SCAMP1: variants seen among roughly 807,000 people sequenced by gnomAD.
The protein encoded by SCAMP1 is secretory carrier-associated membrane protein 1.
A neutral mutation model predicts 41.8 loss-of-function variants in SCAMP1; 15 were observed. That is an observed-to-expected ratio of 0.36 (90% CI 0.24 to 0.55). The LOEUF (loss-of-function observed/expected upper bound fraction) is 0.55, where lower values mean the gene tolerates loss of function less well. Ranked by LOEUF, SCAMP1 falls within the 20% of genes least tolerant of loss-of-function variation. The pLI is 0.86. For missense variants in SCAMP1, 341 were observed against 412.6 expected (o/e 0.83, Z 1.50); for synonymous variants, 135 against 136.8 (o/e 0.99, Z 0.09).
intron 7 of SCAMP1, among the ~76,000 whole-genome samples, chr5:78,450,748 G>A (rs1753205176): frequency 6.6e-6 from 1 of 152,168 alleles, no homozygotes; most frequent in Non-Finnish European, 1.5e-5. Flanking sequence ...AGAAGAATGT[G>A]TGATGCAACT....
rs1296476553 is a variant in SCAMP1 at position 78,384,175 on chromosome 5, TTTTTC to T, written c.58-4657_58-4653del. 5.2e-4 allele frequency among the ~76,000 whole-genome samples: 46 copies of T among 87,978 alleles called. 2 individuals are homozygous for T. The highest frequency in any genetic ancestry group is 1.1e-3 in the Non-Finnish European group (37 of 34,098). The allele number at this position is 87,978 out of a possible 152,430, so 57.7% of individuals were successfully genotyped here. A position where few individuals can be genotyped will look rare whatever the true frequency, so the allele number is the denominator to read the frequency against. On this transcript the variant is annotated intron_variant, in intron 1 of 8. Transcript: ENST00000621999. ...TTTGGTTAGGTATATTCCCAAGTTTTTTTTCTTTTTTTTTTTTTGCAGCTATTTTA... is the reference window on the plus strand; with the variant it reads ...TTTGGTTAGGTATATTCCCAAGTTTTTTTTTTTTTTTTTGCAGCTATTTTA...
chr5:78,404,487 G>A (rs1751884628), intron 2 of SCAMP1, among the ~76,000 whole-genome samples: 1 of 126,920 alleles, frequency 7.9e-6, no homozygotes, highest in South Asian at 2.4e-4. Context: ...AGGCTGACAT[G>A]ATGTACTGGG....
intron 2 of SCAMP1, among the ~76,000 whole-genome samples, chr5:78,409,671 A>G (rs16875368): frequency 0.29 from 43,566 of 152,068 alleles, 6,546 homozygotes; most frequent in East Asian, 0.54. Context: ...TATCAGTGCT[A>G]TTAGAGATTT....
chr5:78,442,213 A>AG (rs1561278302), intron 6 of SCAMP1, among the ~76,000 whole-genome samples: 2 of 152,250 alleles, frequency 1.3e-5, no homozygotes, highest in Non-Finnish European at 2.9e-5. Context: ...ACTGTTTAGT[A>AG]TTCTCTGTTC....
intron 6 of SCAMP1, among the ~76,000 whole-genome samples, chr5:78,437,485 C>A (rs1580694756): frequency 6.6e-6 from 1 of 152,160 alleles, no homozygotes; most frequent in Admixed American, 6.5e-5. Context: ...TGGTTTTTGT[C>A]TTTGGTTCTG....
chr5:78,417,249 G>C (rs1415945189), intron 4 of SCAMP1, among the ~76,000 whole-genome samples: 1 of 152,156 alleles, frequency 6.6e-6, no homozygotes, highest in Non-Finnish European at 1.5e-5. Context: ...GTCATTGTTA[G>C]GATGTCTGGG....
chr5:78,423,936 CT>C (rs1322731248), intron 6 of SCAMP1, among the ~76,000 whole-genome samples: 3 of 151,906 alleles, frequency 2.0e-5, no homozygotes, highest in African/African-American at 7.3e-5. Flanking sequence ...CCTCTGCCTC[CT>C]GGGTTCAAGC....
In SCAMP1 at chr5:78,415,622, AG is replaced by A. The variant is rs1337986255; in HGVS notation, c.234+5del. 2.0e-6 allele frequency: 3 copies of A among 1,529,988 alleles called. No individual in the cohort carries two copies. Among genetic ancestry groups the A allele is most frequent in the Non-Finnish European group, 2.7e-6 (3 of 1,115,092 alleles). The allele number at this position is 1,529,988 out of a possible 1,614,324, so 94.8% of individuals were successfully genotyped here. A position where few individuals can be genotyped will look rare whatever the true frequency, so the allele number is the denominator to read the frequency against. ...AGCTTATACACAGATTGCAAAGGTT[AG>A]TTCATGTTAGTTGTATAAATTCATA... On this transcript the variant is annotated splice_donor_5th_base_variant and intron_variant, in intron 3 of 8. Coordinates refer to ENST00000621999, the MANE Select transcript of SCAMP1 (RefSeq NM_004866.6).
chr5:78,387,097 G>C (rs1561255090), intron 1 of SCAMP1, among the ~76,000 whole-genome samples: 1 of 152,030 alleles, frequency 6.6e-6, no homozygotes, highest in Admixed American at 6.5e-5. Context: ...ATTATTCTTA[G>C]GTTTGGTTGT....
intron 2 of SCAMP1, among the ~76,000 whole-genome samples, chr5:78,407,243 G>A (rs949564162): frequency 1.3e-5 from 2 of 151,912 alleles, no homozygotes; most frequent in African/African-American, 4.8e-5. Context: ...TGTTAGTGAG[G>A]GTCTATTGGT....
At chr5:78,385,013 A>G (rs1182866986) in intron 1 of SCAMP1, among the ~76,000 whole-genome samples, 1 of 152,164 alleles carries the variant, frequency 6.6e-6, no homozygotes, top group East Asian at 1.9e-4. Flanking sequence ...GAATAGTGCC[A>G]ATAGGATTGA....
At chr5:78,374,041 A>G (rs562945368) in intron 1 of SCAMP1, among the ~76,000 whole-genome samples, 35 of 152,244 alleles carry the variant, frequency 2.3e-4, no homozygotes, top group Admixed American at 6.5e-4. Flanking sequence ...ATGGAGTAAG[A>G]GTAGGTTATT....
In SCAMP1 at chr5:78,474,217, C is replaced by G. The variant is rs1457782088; in HGVS notation, c.853-1287C>G. 2.6e-5 allele frequency among the ~76,000 whole-genome samples: 4 copies of G among 152,100 alleles called. No homozygotes were observed. In the East Asian group the frequency reaches 7.7e-4, roughly 29 times the overall value. On this transcript the variant is annotated intron_variant, in intron 8 of 8. Coordinates refer to ENST00000621999, the MANE Select transcript of SCAMP1 (RefSeq NM_004866.6). Reference sequence around the variant, plus strand: ...AGCTTCACCTTCATGGCAAAATCACCCCCGAAAAGGCCTGCCTGCTAATAC... The same window carrying G: ...AGCTTCACCTTCATGGCAAAATCACGCCCGAAAAGGCCTGCCTGCTAATAC...
At chr5:78,453,761 G>A (rs1055655703) in intron 7 of SCAMP1, among the ~76,000 whole-genome samples, 4 of 152,162 alleles carry the variant, frequency 2.6e-5, no homozygotes, top group Non-Finnish European at 4.4e-5. Context: ...CATTGAATCT[G>A]TAAATTACCT....
At chr5:78,408,527 TGGA>T (rs1751989925) in intron 2 of SCAMP1, among the ~76,000 whole-genome samples, 1 of 152,190 alleles carries the variant, frequency 6.6e-6, no homozygotes, top group South Asian at 2.1e-4. Flanking sequence ...AATTGGATGT[TGGA>T]TTATCTTGTC....
chr5:78,396,300 C>T (rs1345658477), intron 2 of SCAMP1, among the ~76,000 whole-genome samples: 1 of 152,130 alleles, frequency 6.6e-6, no homozygotes, highest in Non-Finnish European at 1.5e-5. Context: ...TACAAATGTC[C>T]ACTCTGGTGG....
chr5:78,390,846 T>C (rs1661196998), intron 2 of SCAMP1, among the ~76,000 whole-genome samples: 1 of 150,652 alleles, frequency 6.6e-6, no homozygotes, highest in Admixed American at 6.6e-5. Flanking sequence ...TAGGGAGTGG[T>C]GATGACTCTT....
rs372375286 is a variant in SCAMP1, at chr5:78,479,994, C to T, written c.*4326C>T. Among the ~76,000 whole-genome samples the T allele has an allele frequency of 6.6e-6, 1 of 151,194 alleles. No individual in the cohort carries two copies. The highest frequency in any genetic ancestry group is 1.5e-5 in the Non-Finnish European group (1 of 67,858). ...CTGGGAGGCGGAGCTTGCAGTGAGC[C>T]GAGATCTCTCCACTGCACTCCAGCC... On this transcript the variant is annotated 3_prime_UTR_variant, in exon 9 of 9. Transcript: ENST00000621999.
intron 4 of SCAMP1, among the ~76,000 whole-genome samples, chr5:78,418,333 G>T (rs997525361): frequency 2.0e-5 from 3 of 152,134 alleles, no homozygotes; most frequent in African/African-American, 7.2e-5. Context: ...CTCCACTTGA[G>T]ATAGGAATTA....
Sources: allele counts gnomAD v4.1 joint callset (sites outside exome capture counted in the v4.1 genomes callset), GRCh38; gene constraint gnomAD v4.1.1; transcripts MANE v1.5; gene names NCBI Gene and HGNC (gene_info 2026-07-23, HGNC 2026-07-21).